Variants in RORA observed in about 807,000 individuals in gnomAD.
RORA encodes the protein nuclear receptor ROR-alpha.
A neutral mutation model predicts 69.5 loss-of-function variants in RORA; 7 were observed. That is an observed-to-expected ratio of 0.10 (90% CI 0.06 to 0.19). RORA has a LOEUF of 0.19. Among genes scored for constraint, RORA ranks in the 10% least tolerant of loss-of-function variants. The probability of loss-of-function intolerance (pLI) is 1.00; values close to 1 mark genes in which losing one functional copy is unlikely to be tolerated. For synonymous variants in RORA, 261 were observed against 240.8 expected, an observed-to-expected ratio of 1.08 and a Z score of -0.78; for missense variants, 457 against 663.0, an observed-to-expected ratio of 0.69 and a Z score of 3.41.
At chr15:61,040,626 A>G (rs1896715492) in intron 1 of RORA, among the ~76,000 whole-genome samples, 1 of 152,072 alleles carries the variant, frequency 6.6e-6, no homozygotes, top group Non-Finnish European at 1.5e-5. Context: ...ACACCCTATG[A>G]GGACAAATAC....
chr15:61,185,228 T>C (rs1458797837), intron 1 of RORA, among the ~76,000 whole-genome samples: 1 of 152,086 alleles, frequency 6.6e-6, no homozygotes, highest in African/African-American at 2.4e-5. Flanking sequence ...AAGCATGAAG[T>C]GATTATCTGC....
chr15:60,610,366 G>C (rs2069057251), intron 2 of RORA, among the ~76,000 whole-genome samples: 1 of 152,174 alleles, frequency 6.6e-6, no homozygotes, highest in African/African-American at 2.4e-5. Context: ...TTTCATCAAA[G>C]CAGCCTCTCA....
chr15:61,057,041 G>A (rs1387894874), intron 1 of RORA, among the ~76,000 whole-genome samples: 1 of 152,158 alleles, frequency 6.6e-6, no homozygotes, highest in Non-Finnish European at 1.5e-5. Context: ...CAACAGAACC[G>A]GTGGTGATGT....
intron 2 of RORA, among the ~76,000 whole-genome samples, chr15:60,576,548 T>G (rs1371878514): frequency 1.3e-5 from 2 of 152,242 alleles, no homozygotes; most frequent in Non-Finnish European, 2.9e-5. Context: ...TCTAACTGCA[T>G]GTTATTTTTC....
chr15:60,771,641 C>T (rs987036538), intron 1 of RORA, among the ~76,000 whole-genome samples: 7 of 152,206 alleles, frequency 4.6e-5, no homozygotes, highest in African/African-American at 1.7e-4. Context: ...TCAACCTGTT[C>T]TCCAGAATGT....
chr15:61,066,786 C>G (rs2078266125), intron 1 of RORA, among the ~76,000 whole-genome samples: 1 of 141,404 alleles, frequency 7.1e-6, no homozygotes, highest in Non-Finnish European at 1.5e-5. Flanking sequence ...TTTTTGGAAC[C>G]AAGTAGGTAA....
At chr15:60,588,806 G>C (rs1254649966) in intron 2 of RORA, among the ~76,000 whole-genome samples, 1 of 152,136 alleles carries the variant, frequency 6.6e-6, no homozygotes, top group Admixed American at 6.5e-5. Flanking sequence ...AAATTATATG[G>C]TTCTCAATTC....
intron 1 of RORA, among the ~76,000 whole-genome samples, chr15:60,976,206 G>C (rs1047344348): frequency 5.3e-5 from 8 of 152,172 alleles, no homozygotes; most frequent in Non-Finnish European, 1.2e-4. Context: ...CAGGAGGGGC[G>C]TTAGAATCCT....
chr15:61,058,722 C>G (rs2078129903), intron 1 of RORA, among the ~76,000 whole-genome samples: 1 of 152,198 alleles, frequency 6.6e-6, no homozygotes, highest in African/African-American at 2.4e-5. Flanking sequence ...CACTTTGTAT[C>G]TTAACCAGAT....
At chr15:61,143,009 G>A (rs956228131) in intron 1 of RORA, among the ~76,000 whole-genome samples, 8 of 152,096 alleles carry the variant, frequency 5.3e-5, no homozygotes, top group African/African-American at 1.7e-4. Flanking sequence ...CTAGTGCAAT[G>A]AGGAGAAAGT....
chr15:60,939,269 A>G (rs1343871164), intron 1 of RORA, among the ~76,000 whole-genome samples: 1 of 152,066 alleles, frequency 6.6e-6, no homozygotes, highest in African/African-American at 2.4e-5. Context: ...GCATTCTTTC[A>G]GCATGGTAGC....
At chr15:60,827,212 G>C (rs546005668) in intron 1 of RORA, among the ~76,000 whole-genome samples, 1 of 152,046 alleles carries the variant, frequency 6.6e-6, no homozygotes, top group African/African-American at 2.4e-5. Flanking sequence ...TTCTTTTTCA[G>C]GGCTGAGGCA....
At chr15:60,921,516 T>C (rs1028338357) in intron 1 of RORA, among the ~76,000 whole-genome samples, 22 of 152,190 alleles carry the variant, frequency 1.4e-4, no homozygotes, top group Non-Finnish European at 1.5e-5. Flanking sequence ...AGTGGTTACC[T>C]CTGAGGAAGG....
intron 1 of RORA, among the ~76,000 whole-genome samples, chr15:61,076,224 G>T (rs1452575489): frequency 6.6e-6 from 1 of 152,202 alleles, no homozygotes; most frequent in Non-Finnish European, 1.5e-5. Flanking sequence ...CGAGGGTAGG[G>T]CCAAAGAATA....
intron 2 of RORA, among the ~76,000 whole-genome samples, chr15:60,652,877 C>T (rs2070165109): frequency 6.6e-6 from 1 of 152,222 alleles, no homozygotes; most frequent in Non-Finnish European, 1.5e-5. Context: ...CTCTCTTCCT[C>T]TCCATTGTTT....
At position 60,531,715 on chromosome 15, in the gene RORA, G is replaced by T. The variant is rs1412404653; in HGVS notation, c.282+51C>A. ...TAAGTGGAGACATACAAATCACAAA[G>T]ATATATTCTAACAAACATTAATAGA... On this transcript the variant is annotated intron_variant, in intron 3 of 10. Transcript: ENST00000335670. The surrounding 1 kb of genome is among the most constrained non-coding windows in gnomAD (Gnocchi z 4.8). 6 of 1,010,612 alleles carry T rather than the reference G, an allele frequency of 5.9e-6. No homozygotes were observed. The highest frequency in any genetic ancestry group is 1.5e-5 in the South Asian group (1 of 65,904). The allele number at this position is 1,010,612 out of a possible 1,614,324, so 62.6% of individuals were successfully genotyped here.
At chr15:61,141,618 T>A (rs1358121368) in intron 1 of RORA, among the ~76,000 whole-genome samples, 1 of 152,190 alleles carries the variant, frequency 6.6e-6, no homozygotes, top group African/African-American at 2.4e-5. Flanking sequence ...GATACAAGAC[T>A]GCTGAGGCTC....
chr15:60,971,847 C>A (rs7178772), intron 1 of RORA, among the ~76,000 whole-genome samples: 39,253 of 151,912 alleles, frequency 0.26, 6,206 homozygotes, highest in East Asian at 0.6. Context: ...TCACATTGGG[C>A]CAGAGAGAGG....
At chr15:60,880,468 A>G (rs889656389) in intron 1 of RORA, among the ~76,000 whole-genome samples, 1 of 152,120 alleles carries the variant, frequency 6.6e-6, no homozygotes, top group African/African-American at 2.4e-5. Context: ...GTGAAACCCC[A>G]TCTCTACTAA....
Sources: allele counts gnomAD v4.1 joint callset (sites outside exome capture counted in the v4.1 genomes callset), GRCh38; gene constraint gnomAD v4.1.1; non-coding constraint Gnocchi (gnomAD v3.1); transcripts MANE v1.5; gene names NCBI Gene and HGNC (gene_info 2026-07-23, HGNC 2026-07-21).